The following MAPK1IP1L variants were observed in gnomAD, a reference collection of about 807,000 sequenced individuals.
The protein encoded by MAPK1IP1L is MAPK-interacting and spindle-stabilizing protein-like.
In MAPK1IP1L, 10 loss-of-function variants were observed where a neutral mutation model predicts 18.1. The observed-to-expected ratio is 0.55, with a 90% CI of 0.34 to 0.94. The LOEUF is 0.94. Ranked by LOEUF, MAPK1IP1L falls within the 40% of genes least tolerant of loss-of-function variation. The pLI, the probability that MAPK1IP1L is intolerant of heterozygous loss-of-function variation, is 0.02. For synonymous variants in MAPK1IP1L, 115 were observed against 117.3 expected (o/e 0.98, Z 0.13); for missense variants, 260 against 318.2 (o/e 0.82, Z 1.39).
chr14:55,057,630 C>T (rs2042782084), intron 1 of MAPK1IP1L, among the ~76,000 whole-genome samples: 1 of 152,082 alleles, frequency 6.6e-6, no homozygotes, highest in Non-Finnish European at 1.5e-5. Context: ...GTGGCCCGCA[C>T]CTGTAGTCCC....
At chr14:55,053,320 G>A (rs778409691) in intron 1 of MAPK1IP1L, among the ~76,000 whole-genome samples, 1 of 152,218 alleles carries the variant, frequency 6.6e-6, no homozygotes, top group Non-Finnish European at 1.5e-5. Context: ...CCAGTGAAGA[G>A]CTGCAGTTAT....
At chr14:55,056,037 T>C (rs1044133339) in intron 1 of MAPK1IP1L, among the ~76,000 whole-genome samples, 3 of 152,220 alleles carry the variant, frequency 2.0e-5, no homozygotes, top group African/African-American at 2.4e-5. Flanking sequence ...CACCCTAACA[T>C]GAACGCTGTT....
rs1453850599 is a variant in MAPK1IP1L, at chr14:55,063,250, C to G, written c.651C>G (p.Leu217=). 3 of 1,614,224 alleles carry G rather than the reference C, an allele frequency of 1.9e-6. No individual in the cohort carries two copies. Among genetic ancestry groups the G allele is most frequent in the Middle Eastern group, 1.6e-4 (1 of 6,062 alleles). The stretch of plus-strand genomic sequence containing the variant: ...CAGGATCGTATCCCACACCAGGACT[C>G]TATCCTACTCCCAGTAATCCTTTCC... The part of the protein sequence containing the change: ...APTGSYPTPG[L]YPTPSNPFQV... Residue 217 remains leucine, a synonymous_variant, in exon 3 of 4, where the codon CTC becomes CTG. Coordinates refer to ENST00000395468, the MANE Select transcript of MAPK1IP1L (RefSeq NM_144578.4).
intron 3 of MAPK1IP1L, among the ~76,000 whole-genome samples, chr14:55,063,555 A>G (rs1471185404): frequency 6.6e-6 from 1 of 152,218 alleles, no homozygotes; most frequent in African/African-American, 2.4e-5. Context: ...AGATCCCCAA[A>G]GACTTTGTAA....
rs1035846791 is a variant in MAPK1IP1L at position 55,070,151 on chromosome 14, G to A, written c.*5524G>A. On this transcript the variant is annotated 3_prime_UTR_variant, in exon 4 of 4. Transcript: ENST00000395468. ...CATGAAAGTATTCACCTAAAGTGGA[G>A]TTATGAAATGGATGGTGAAATAATA... is the stretch of plus-strand genomic sequence containing the variant. 6.6e-6 allele frequency: 1 copy of A among 152,186 alleles called. No homozygotes were observed. The highest frequency in any genetic ancestry group is 6.5e-5 in the Admixed American group (1 of 15,272). The allele number at this position is 152,186 out of a possible 1,614,324, so 9.4% of individuals were successfully genotyped here.
At chr14:55,055,565 G>A (rs2042764810) in intron 1 of MAPK1IP1L, among the ~76,000 whole-genome samples, 2 of 152,102 alleles carry the variant, frequency 1.3e-5, no homozygotes, top group Admixed American at 6.5e-5. Flanking sequence ...CTGGACAAAG[G>A]GATGATTCAC....
intron 1 of MAPK1IP1L, among the ~76,000 whole-genome samples, chr14:55,058,552 C>T (rs949246806): frequency 1.3e-5 from 2 of 152,062 alleles, no homozygotes; most frequent in African/African-American, 2.4e-5. Flanking sequence ...TTCAGGGAGC[C>T]GGGTGCGGTG....
At position 55,062,718 on chromosome 14, in the gene MAPK1IP1L, G is replaced by A; in HGVS notation, c.119G>A (p.Trp40Ter). The change falls in exon 3 of 4, where the codon TGG becomes TAG. Residue 40 changes from tryptophan to a stop codon, truncating the protein, a stop_gained. Transcript: ENST00000395468. LOFTEE classifies it high-confidence loss of function. ...CAAGGCTGGCCAGGCTCCAACCCTT[G>A]GAATAATCCGAGTGCTCCATCTTCA... ...PPQGWPGSNP[W>*]NNPSAPSSVP... The A allele has an allele frequency of 4.3e-6, 7 of 1,614,088 alleles. No individual in the cohort carries two copies. Among genetic ancestry groups the A allele is most frequent in the Non-Finnish European group, 5.9e-6 (7 of 1,180,012 alleles).
chr14:55,069,003 G>A lies in MAPK1IP1L; in HGVS notation c.*4376G>A, dbSNP rs917456992. ...TTGGGCATCTTAAAGGGTGACATGT[G>A]GCATGCCTTTTTTTTTTTTTAAGAA... On this transcript the variant is annotated 3_prime_UTR_variant, in exon 4 of 4. Coordinates refer to ENST00000395468, the MANE Select transcript of MAPK1IP1L (RefSeq NM_144578.4). The A allele has an allele frequency of 2.6e-5, 4 of 151,592 alleles. No individual in the cohort carries two copies. The highest frequency in any genetic ancestry group is 9.7e-5 in the African/African-American group (4 of 41,224). 9.4% of individuals were successfully genotyped at this position (151,592 alleles called of 1,614,324 possible). A position where few individuals can be genotyped will look rare whatever the true frequency, so the allele number is the denominator to read the frequency against.
chr14:55,069,769 A>G lies in MAPK1IP1L; in HGVS notation c.*5142A>G, dbSNP rs1446004488. ...ATTGTGGTGATTTTCTCTTCTTTTA[A>G]GGCTAGGCTACTCTTGGTAACCAGA... is the stretch of plus-strand genomic sequence containing the variant. On this transcript the variant is annotated 3_prime_UTR_variant, in exon 4 of 4. Transcript: ENST00000395468. The G allele has an allele frequency of 6.6e-6, 1 of 152,202 alleles. No individual in the cohort carries two copies. The highest frequency in any genetic ancestry group is 2.4e-5 in the African/African-American group (1 of 41,436). The allele number at this position is 152,202 out of a possible 1,614,324, so 9.4% of individuals were successfully genotyped here.
rs1054859473 is a variant in MAPK1IP1L at position 55,068,655 on chromosome 14, T to C, written c.*4028T>C. 4 of 152,236 alleles carry C rather than the reference T, an allele frequency of 2.6e-5. No homozygotes were observed. The highest frequency in any genetic ancestry group is 9.6e-5 in the African/African-American group (4 of 41,466). The allele number at this position is 152,236 out of a possible 1,614,324, so 9.4% of individuals were successfully genotyped here. A position where few individuals can be genotyped will look rare whatever the true frequency, so the allele number is the denominator to read the frequency against. Reference sequence around the variant, plus strand: ...TTGTAGGTGGCGTTCAGGGAAGACTTTGATTTTAATAAAGCAATATTTAGT... The same window carrying C: ...TTGTAGGTGGCGTTCAGGGAAGACTCTGATTTTAATAAAGCAATATTTAGT... On this transcript the variant is annotated 3_prime_UTR_variant, in exon 4 of 4. Coordinates refer to ENST00000395468, the MANE Select transcript of MAPK1IP1L (RefSeq NM_144578.4).
At position 55,067,204 on chromosome 14, in the gene MAPK1IP1L, G is replaced by GATT. The variant is rs1488875280; in HGVS notation, c.*2578_*2580dup. The GATT allele has an allele frequency of 7.1e-5, 6 of 84,584 alleles. No individual in the cohort carries two copies. Among genetic ancestry groups the GATT allele is most frequent in the Admixed American group, 4.3e-4 (4 of 9,296 alleles). 5.2% of individuals were successfully genotyped at this position (84,584 alleles called of 1,614,324 possible). A position where few individuals can be genotyped will look rare whatever the true frequency, so the allele number is the denominator to read the frequency against. On this transcript the variant is annotated 3_prime_UTR_variant, in exon 4 of 4. Transcript: ENST00000395468. ...CAGGCGTGAGCCACCACGTCCGGCC[G>GATT]ATTTTTTTTTTTTTTTTTAATGTAA... is the stretch of plus-strand genomic sequence containing the variant.
At chr14:55,052,134 C>G (rs894239663) in intron 1 of MAPK1IP1L, among the ~76,000 whole-genome samples, 1 of 131,432 alleles carries the variant, frequency 7.6e-6, no homozygotes, top group African/African-American at 2.8e-5. Context: ...CCCACCCCTT[C>G]CCGGCGGGCG....
At chr14:55,062,284 C>T (rs1038514328) in intron 2 of MAPK1IP1L, among the ~76,000 whole-genome samples, 1 of 152,128 alleles carries the variant, frequency 6.6e-6, no homozygotes, top group African/African-American at 2.4e-5. Context: ...TGAGGTTAAG[C>T]CAGGATTCAA....
chr14:55,061,710 A>T lies in MAPK1IP1L; in HGVS notation c.18+9A>T. 1 of 1,565,518 alleles carries T rather than the reference A, an allele frequency of 6.4e-7. No individual in the cohort carries two copies. Among genetic ancestry groups the T allele is most frequent in the Non-Finnish European group, 8.7e-7 (1 of 1,149,006 alleles). The stretch of plus-strand genomic sequence containing the variant: ...TGTCTGATGAATTTTCGGTAAGTTG[A>T]TCAGTTTATCTGTGATAAGTTTTTC... On this transcript the variant is annotated intron_variant, in intron 2 of 3. Coordinates refer to ENST00000395468, the MANE Select transcript of MAPK1IP1L (RefSeq NM_144578.4).
In MAPK1IP1L at chr14:55,064,606, T is replaced by G; in HGVS notation, c.727-10T>G. On this transcript the variant is annotated splice_polypyrimidine_tract_variant and intron_variant, in intron 3 of 3. Coordinates refer to ENST00000395468, the MANE Select transcript of MAPK1IP1L (RefSeq NM_144578.4). The stretch of plus-strand genomic sequence containing the variant: ...ATCTAGAAGTTGACTTTTTCTTTTT[T>G]CTATTGCAGTCTTACCATTAAGTTA... The G allele has an allele frequency of 6.2e-7, 1 of 1,612,982 alleles. No homozygotes were observed. The highest frequency in any genetic ancestry group is 2.2e-5 in the East Asian group (1 of 44,796).
rs557573413 is a variant in MAPK1IP1L, at chr14:55,069,312, T to C, written c.*4685T>C. ...ATTTTAAGTTAAACTGCCTAAAATG[T>C]GATTTGAGACATATACATATGTTTG... On this transcript the variant is annotated 3_prime_UTR_variant, in exon 4 of 4. Transcript: ENST00000395468. The C allele has an allele frequency of 2.0e-5, 3 of 152,780 alleles. No individual in the cohort carries two copies. The highest frequency in any genetic ancestry group is 7.2e-5 in the African/African-American group (3 of 41,588). 9.5% of individuals were successfully genotyped at this position (152,780 alleles called of 1,614,324 possible).
chr14:55,051,927 G>T (rs2042731844), intron 1 of MAPK1IP1L, 124 bp downstream of exon 1: 2 of 384,860 alleles, frequency 5.2e-6, no homozygotes, highest in Non-Finnish European at 1.0e-5. Flanking sequence ...GTCACGTCCA[G>T]TGCTCGGGCC....
chr14:55,054,294 C>T (rs2140256698), intron 1 of MAPK1IP1L, among the ~76,000 whole-genome samples: 1 of 147,908 alleles, frequency 6.8e-6, no homozygotes, highest in South Asian at 2.3e-4. Flanking sequence ...CAGGTGCCTT[C>T]CACCACGCCC....
Sources: gnomAD v4.1 joint callset for allele counts (sites outside exome capture counted in the v4.1 genomes callset) on GRCh38, gnomAD v4.1.1 for gene constraint, MANE v1.5 for transcripts, NCBI Gene and HGNC (gene_info 2026-07-23, HGNC 2026-07-21) for gene names.